The following ZNF346 variants were observed in gnomAD, a reference collection of about 807,000 sequenced individuals.
The protein encoded by ZNF346 is zinc finger protein 346, also known as double-stranded RNA-binding zinc finger protein JAZ.
ZNF346 carries 23 observed loss-of-function variants against 33.7 expected under a neutral mutation model. That is an observed-to-expected ratio of 0.68 (90% CI 0.49 to 0.97). The LOEUF is 0.97. Among genes scored for constraint, ZNF346 ranks in the 50% least tolerant of loss-of-function variants. The pLI is 0.00. For missense variants in ZNF346, 340 were observed against 371.1 expected (o/e 0.92, Z 0.69); for synonymous variants, 134 against 142.4 (o/e 0.94, Z 0.42).
intron 1 of ZNF346, 57 bp from the exon 2 acceptor site, chr5:177,041,069 C>A: frequency 1.5e-6 from 2 of 1,327,402 alleles, no homozygotes; most frequent in Non-Finnish European, 2.2e-6. Context: ...GGTTCAAAGG[C>A]AGTGCTGTTG....
chr5:177,027,931 G>A (rs1486621895), intron 1 of ZNF346, among the ~76,000 whole-genome samples: 1 of 150,020 alleles, frequency 6.7e-6, no homozygotes, highest in Non-Finnish European at 1.5e-5. Flanking sequence ...GCAAGCATGC[G>A]CCATGGCACC....
intron 1 of ZNF346, chr5:177,023,307 C>A: frequency 9.5e-7 from 1 of 1,057,320 alleles, no homozygotes; most frequent in Non-Finnish European, 1.4e-6. Context: ...CCTCCTAGGG[C>A]CTCTCGCCTC....
intron 5 of ZNF346, among the ~76,000 whole-genome samples, chr5:177,059,836 TG>T (rs1403604070): frequency 1.1e-4 from 17 of 152,226 alleles, no homozygotes; most frequent in Non-Finnish European, 2.4e-4. Flanking sequence ...AGGTATTGTC[TG>T]TGTTCTTATG....
intron 8 of ZNF346, among the ~76,000 whole-genome samples, chr5:177,073,281 C>G (rs1783591903): frequency 6.6e-6 from 1 of 152,098 alleles, no homozygotes; most frequent in Non-Finnish European, 1.5e-5. Context: ...GGGACCATTG[C>G]TGGGATTTCA....
At chr5:177,025,019 G>T (rs898193644) in intron 1 of ZNF346, among the ~76,000 whole-genome samples, 2 of 152,172 alleles carry the variant, frequency 1.3e-5, no homozygotes, top group African/African-American at 2.4e-5. Context: ...GCCAGTGATT[G>T]TTAGCCAGTG....
chr5:177,040,112 C>T (rs1420889797), intron 1 of ZNF346, among the ~76,000 whole-genome samples: 5 of 148,794 alleles, frequency 3.4e-5, no homozygotes, highest in Non-Finnish European at 5.9e-5. Flanking sequence ...ACTTGGGAGG[C>T]GGAGCTTGCA....
chr5:177,056,580 C>T (rs538343275), intron 5 of ZNF346, among the ~76,000 whole-genome samples: 2 of 152,296 alleles, frequency 1.3e-5, no homozygotes, highest in South Asian at 4.1e-4. Context: ...GAATACTATG[C>T]AGCCATAAAA....
downstream of ZNF346, among the ~76,000 whole-genome samples, chr5:177,070,317 C>T (rs780865257): frequency 9.9e-5 from 15 of 152,136 alleles, no homozygotes; most frequent in Non-Finnish European, 1.8e-4. Flanking sequence ...TTAGCATGCT[C>T]AAGACAGGTT....
chr5:177,057,229 G>A (rs1431939552), intron 5 of ZNF346, among the ~76,000 whole-genome samples: 1 of 152,014 alleles, frequency 6.6e-6, no homozygotes, highest in African/African-American at 2.4e-5. Flanking sequence ...GGGAGGCGGC[G>A]GTTGCAGTGA....
At position 177,032,069 on chromosome 5, in the gene ZNF346, T is replaced by C. The variant is rs559515650; in HGVS notation, c.176-9057T>C. 3.4e-4 allele frequency among the ~76,000 whole-genome samples: 45 copies of C among 133,248 alleles called. 1 individual carries two copies. Among genetic ancestry groups the C allele is most frequent in the African/African-American group, 1.1e-3 (43 of 37,450 alleles). The allele number at this position is 133,248 out of a possible 152,430, so 87.4% of individuals were successfully genotyped here. A position where few individuals can be genotyped will look rare whatever the true frequency, so the allele number is the denominator to read the frequency against. On this transcript the variant is annotated intron_variant, in intron 1 of 6. Coordinates refer to ENST00000358149, the MANE Select transcript of ZNF346 (RefSeq NM_012279.4). ...GTTGCCCAGGAGTGCAATGGCACAATCTCAGCTCACTGCAACCTCTGCCTC... is the reference window on the plus strand; with the variant it reads ...GTTGCCCAGGAGTGCAATGGCACAACCTCAGCTCACTGCAACCTCTGCCTC...
At chr5:177,028,789 G>A (rs1213012565) in intron 1 of ZNF346, among the ~76,000 whole-genome samples, 37 of 135,278 alleles carry the variant, frequency 2.7e-4, no homozygotes, top group African/African-American at 8.3e-4. Flanking sequence ...GTGCGATCTC[G>A]GCTCACTGCA....
chr5:177,044,324 G>GA lies in ZNF346; in HGVS notation c.373-63dup, dbSNP rs999469332. On this transcript the variant is annotated intron_variant, in intron 3 of 6. Coordinates refer to ENST00000358149, the MANE Select transcript of ZNF346 (RefSeq NM_012279.4). ...TGCCTGTTCTGTTATGGGCAGTGGG[G>GA]AACCATTGAAGATTTTCTGGTGGGG... 5.6e-6 allele frequency: 9 copies of GA among 1,596,320 alleles called. No homozygotes were observed. The African/African-American group carries it at 1.2e-4, about 21-fold the overall frequency.
intron 5 of ZNF346, among the ~76,000 whole-genome samples, chr5:177,058,817 C>A (rs755222020): frequency 1.0e-4 from 15 of 148,834 alleles, no homozygotes; most frequent in Non-Finnish European, 1.8e-4. Context: ...ACTCTGTCCC[C>A]CTTCTTACAG....
At chr5:177,079,187 G>T (rs1055962964) in intron 8 of ZNF346, among the ~76,000 whole-genome samples, 26 of 150,990 alleles carry the variant, frequency 1.7e-4, no homozygotes, top group Admixed American at 7.3e-4. Context: ...CAGGAGATTT[G>T]CTTGAACCTG....
rs1253236470 is a variant in ZNF346 at position 177,080,736 on chromosome 5, AGGT to A, written c.*1364_*1366del. On this transcript the variant is annotated 3_prime_UTR_variant, in exon 9 of 9. Coordinates refer to the ZNF346 transcript ENST00000503039. Reference sequence around the variant, plus strand: ...GGCAGGAGAATCACTTGAACCCAGGAGGTGGTGGTTGCAGTGAGCCTAGATCGT... The same window carrying A: ...GGCAGGAGAATCACTTGAACCCAGGAGGTGGTTGCAGTGAGCCTAGATCGT... 9 of 152,438 alleles carry A rather than the reference AGGT, an allele frequency of 5.9e-5. No homozygotes were observed. The East Asian group carries it at 1.2e-3, about 20-fold the overall frequency. 9.4% of individuals were successfully genotyped at this position (152,438 alleles called of 1,614,324 possible).
chr5:177,040,926 A>T (rs1412781025), intron 1 of ZNF346, among the ~76,000 whole-genome samples, 200 bp from the exon 2 acceptor site: 1 of 152,178 alleles, frequency 6.6e-6, no homozygotes, highest in Non-Finnish European at 1.5e-5. Flanking sequence ...GCATACATAA[A>T]ATTATAAAAT....
chr5:177,068,719 G>A (rs962564295), downstream of ZNF346, among the ~76,000 whole-genome samples: 3 of 142,614 alleles, frequency 2.1e-5, 1 homozygote, highest in Non-Finnish European at 4.4e-5. Context: ...ATTGAGAGAG[G>A]GAGTGATACA....
chr5:177,052,563 G>A (rs1781103989), intron 5 of ZNF346: 1 of 152,156 alleles, frequency 6.6e-6, no homozygotes, highest in Non-Finnish European at 1.5e-5. Context: ...ACCCTTAGCG[G>A]ATTAGATCAG....
intron 3 of ZNF346, chr5:177,042,096 T>TA (rs1389693143): frequency 2.3e-6 from 1 of 427,124 alleles, no homozygotes; most frequent in East Asian, 3.6e-5. Flanking sequence ...GGCAGATTTA[T>TA]AAAAAGCACC....
Sources: gnomAD v4.1 joint callset for allele counts (sites outside exome capture counted in the v4.1 genomes callset) on GRCh38, gnomAD v4.1.1 for gene constraint, MANE v1.5 for transcripts, NCBI Gene and HGNC (gene_info 2026-07-23, HGNC 2026-07-21) for gene names.